The following ADGRV1 variants were observed in gnomAD, a reference collection of about 807,000 sequenced individuals.
The protein encoded by ADGRV1 is G-protein coupled receptor 98.
ADGRV1 carries 359 observed loss-of-function variants against 596.2 expected under a neutral mutation model. That is an observed-to-expected ratio of 0.60 (90% CI 0.55 to 0.66). ADGRV1 has a LOEUF of 0.66. Among genes scored for constraint, ADGRV1 ranks in the 30% least tolerant of loss-of-function variants. The pLI is 0.00. For synonymous variants in ADGRV1, 2,681 were observed against 2,679.2 expected (o/e 1.00, Z -0.02); for missense variants, 7,274 against 7,575.6 (o/e 0.96, Z 1.48).
At chr5:91,093,915 G>T (rs1292877753) in intron 86 of ADGRV1, among the ~76,000 whole-genome samples, 1 of 149,748 alleles carries the variant, frequency 6.7e-6, no homozygotes. Context: ...GCAGTGGTGC[G>T]ATCTCTGCTC....
At chr5:91,071,100 A>G (rs1788351768) in intron 85 of ADGRV1, among the ~76,000 whole-genome samples, 2 of 152,192 alleles carry the variant, frequency 1.3e-5, no homozygotes, top group African/African-American at 4.8e-5. Context: ...TCCCAGGAAG[A>G]AAACTCCAAA....
At chr5:90,922,053 C>T (rs148019613) in intron 83 of ADGRV1, among the ~76,000 whole-genome samples, 17 of 152,264 alleles carry the variant, frequency 1.1e-4, no homozygotes, top group African/African-American at 3.6e-4. Context: ...GCCACCCCCT[C>T]GCCCTAACTC....
At chr5:91,076,199 TCTAGAAA>T (rs1487309741) in intron 86 of ADGRV1, among the ~76,000 whole-genome samples, 1 of 152,174 alleles carries the variant, frequency 6.6e-6, no homozygotes, top group East Asian at 1.9e-4. Context: ...TTACAGAAAT[TCTAGAAA>T]CTTTCAATAT....
intron 58 of ADGRV1, among the ~76,000 whole-genome samples, chr5:90,761,620 G>A (rs1034937827): frequency 3.3e-5 from 5 of 152,048 alleles, no homozygotes; most frequent in Admixed American, 6.5e-5. Context: ...TTGTAACTGC[G>A]GTCATAAACT....
intron 87 of ADGRV1, among the ~76,000 whole-genome samples, chr5:91,114,336 G>T (rs2126711248): frequency 6.6e-6 from 1 of 152,234 alleles, no homozygotes; most frequent in South Asian, 2.1e-4. Context: ...AGACCAGCTT[G>T]GCCAACATGG....
chr5:91,122,364 G>C (rs572463695), intron 87 of ADGRV1, among the ~76,000 whole-genome samples: 3 of 152,264 alleles, frequency 2.0e-5, no homozygotes, highest in South Asian at 4.1e-4. Flanking sequence ...ATGGTAACAA[G>C]GGACTTACTC....
intron 23 of ADGRV1, 94 bp from the exon 24 acceptor site, chr5:90,675,149 G>A (rs1018931257): frequency 7.7e-5 from 81 of 1,047,642 alleles, no homozygotes; most frequent in Non-Finnish European, 1.0e-4. Flanking sequence ...TTTTGGCCTG[G>A]TGATCAAAAT....
chr5:90,853,798 C>T (rs1490298882), intron 80 of ADGRV1, among the ~76,000 whole-genome samples: 1 of 152,064 alleles, frequency 6.6e-6, no homozygotes, highest in African/African-American at 2.4e-5. Flanking sequence ...TATACTATTA[C>T]GTACTTAACT....
chr5:91,022,116 T>C (rs1381243799), intron 85 of ADGRV1, among the ~76,000 whole-genome samples: 2 of 152,136 alleles, frequency 1.3e-5, no homozygotes, highest in East Asian at 1.9e-4. Flanking sequence ...ATACCTGATA[T>C]AGTTACTAAT....
chr5:90,687,771 C>G (rs1041605717), intron 29 of ADGRV1, among the ~76,000 whole-genome samples: 1 of 151,988 alleles, frequency 6.6e-6, no homozygotes, highest in Non-Finnish European at 1.5e-5. Context: ...AAACAGAGAG[C>G]CAAATCATGA....
At chr5:91,061,653 C>T (rs1164310350) in intron 85 of ADGRV1, among the ~76,000 whole-genome samples, 5 of 152,018 alleles carry the variant, frequency 3.3e-5, no homozygotes, top group Non-Finnish European at 7.4e-5. Context: ...ATTTTTCTTT[C>T]CTCAATCTTT....
intron 85 of ADGRV1, among the ~76,000 whole-genome samples, chr5:91,016,856 G>A (rs1783213114): frequency 6.6e-6 from 1 of 151,820 alleles, no homozygotes; most frequent in Non-Finnish European, 1.5e-5. Flanking sequence ...ATTAATCCTT[G>A]GTGTTAGTAA....
intron 21 of ADGRV1, among the ~76,000 whole-genome samples, chr5:90,668,143 C>T (rs10044735): frequency 0.71 from 107,862 of 150,888 alleles, 39,200 homozygotes; most frequent in African/African-American, 0.83. Context: ...TCCACCCAGT[C>T]TGAGCTTCCA....
At chr5:90,820,887 A>T (rs1763427990) in intron 75 of ADGRV1, among the ~76,000 whole-genome samples, 1 of 152,060 alleles carries the variant, frequency 6.6e-6, no homozygotes, top group East Asian at 1.9e-4. Context: ...TCTGACAGTT[A>T]TGTGTCTTGG....
At chr5:90,613,157 G>T (rs1338421425) in intron 1 of ADGRV1, among the ~76,000 whole-genome samples, 1 of 152,000 alleles carries the variant, frequency 6.6e-6, no homozygotes, top group South Asian at 2.1e-4. Flanking sequence ...CTCAGTTCAT[G>T]GTTCTGTCAC....
At chr5:90,883,210 G>A (rs1769959353) in intron 83 of ADGRV1, among the ~76,000 whole-genome samples, 1 of 152,084 alleles carries the variant, frequency 6.6e-6, no homozygotes, top group Admixed American at 6.6e-5. Context: ...GATCTTTCAT[G>A]ACAGATAATA....
chr5:90,627,663 C>T lies in ADGRV1; in HGVS notation c.1125C>T (p.Ser375=). ...TACAGGGAGATGCTGTGCTAATAAG[C>T]CCTTCTGTTGTACAAGTCACCATTA... ...DTLQGDAVLI[S]PSVVQVTIKP... Residue 375 remains serine, a synonymous_variant, in exon 7 of 90, where the codon AGC becomes AGT. Coordinates refer to ENST00000405460, the MANE Select transcript of ADGRV1 (RefSeq NM_032119.4). 6.2e-7 allele frequency: 1 copy of T among 1,613,540 alleles called. No homozygotes were observed. Among genetic ancestry groups the T allele is most frequent in the Non-Finnish European group, 8.5e-7 (1 of 1,179,582 alleles).
Position 90,813,132 on chromosome 5 carries a change from C to CAA in ADGRV1, c.16078+1825_16078+1826dup, listed in dbSNP as rs5869522. ...TGGGCGACAGAGTAAGACTCCGTCT[C>CAA]AAAAAAAAAAAAAAAAAAAAAAAAA... On this transcript the variant is annotated intron_variant, in intron 74 of 89. Coordinates refer to ENST00000405460, the MANE Select transcript of ADGRV1 (RefSeq NM_032119.4). Among the ~76,000 whole-genome samples, 74 of 34,918 alleles carry CAA rather than the reference C, an allele frequency of 2.1e-3. 7 individuals are homozygous for CAA. The highest frequency in any genetic ancestry group is 4.7e-3 in the African/African-American group (56 of 12,000). 22.9% of individuals were successfully genotyped at this position (34,918 alleles called of 152,430 possible).
At chr5:90,666,974 A>G (rs1561488275) in intron 21 of ADGRV1, among the ~76,000 whole-genome samples, 2 of 152,084 alleles carry the variant, frequency 1.3e-5, no homozygotes. Flanking sequence ...TTCTGCCAAG[A>G]GATCCGTTGT....
Sources: allele counts gnomAD v4.1 joint callset (sites outside exome capture counted in the v4.1 genomes callset), GRCh38; gene constraint gnomAD v4.1.1; transcripts MANE v1.5; gene names NCBI Gene and HGNC (gene_info 2026-07-23, HGNC 2026-07-21).